The following SYTL2 variants were observed in gnomAD, a reference collection of about 807,000 sequenced individuals.
The protein encoded by SYTL2 is synaptotagmin like 2, also known as synaptotagmin-like protein 2.
In SYTL2, 165 loss-of-function variants were observed where a neutral mutation model predicts 198.7. That is an observed-to-expected ratio of 0.83 (90% CI 0.73 to 0.94). The LOEUF (loss-of-function observed/expected upper bound fraction) is 0.94. Among genes scored for constraint, SYTL2 ranks in the 40% least tolerant of loss-of-function variants. The probability of loss-of-function intolerance (pLI) is 0.00; values close to 1 mark genes in which losing one functional copy is unlikely to be tolerated. For synonymous variants in SYTL2, 966 were observed against 917.7 expected (o/e 1.05, Z -0.95); for missense variants, 2,835 against 2,582.8 (o/e 1.10, Z -2.12).
At position 85,726,733 on chromosome 11, in the gene SYTL2, A is replaced by C; in HGVS notation, c.2625T>G (p.Asn875Lys). 1 of 1,535,978 alleles carries C rather than the reference A, an allele frequency of 6.5e-7. No homozygotes were observed. The highest frequency in any genetic ancestry group is 8.7e-7 in the Non-Finnish European group (1 of 1,146,808). Residue 875 changes from asparagine (N) to lysine (K), a missense_variant, in exon 8 of 20, where the codon AAT becomes AAG. By Grantham distance (94) the Asn-to-Lys change is moderately conservative (BLOSUM62 0). This residue lies in a region of SYTL2 where 2,645 missense variants were observed against 2,381.7 expected (regional missense o/e 1.11). Coordinates refer to ENST00000359152, the MANE Select transcript of SYTL2 (RefSeq NM_206927.4). ...ASQLSNSYSS[N>K]KSKETKPQIA... ...TTTGTGGCTTGGTCTCTTTAGATTT[A>C]TTTGAGGAATAAGAATTGGAGAGCT...
intron 1 of SYTL2, among the ~76,000 whole-genome samples, chr11:85,779,164 A>G (rs2092513353): frequency 6.6e-6 from 1 of 152,110 alleles, no homozygotes; most frequent in East Asian, 1.9e-4. Flanking sequence ...TTACATAGAA[A>G]ATTAGGCTCG....
chr11:85,817,588 C>T, the SYTL2 span, among the ~76,000 whole-genome samples: 10 of 151,992 alleles, frequency 6.6e-5, no homozygotes, highest in Admixed American at 3.3e-4. Flanking sequence ...TTTGTAAAGG[C>T]CTGCTTGAAG....
At chr11:85,815,710 C>T (rs577035529), upstream of SYTL2, among the ~76,000 whole-genome samples, 3 of 152,270 alleles carry the variant, frequency 2.0e-5, no homozygotes, top group South Asian at 6.2e-4. Flanking sequence ...TTGCAAATGA[C>T]AAAGTCAAGG....
Position 85,757,758 on chromosome 11 carries a change from A to T in SYTL2, c.-33T>A. 1.2e-6 allele frequency: 2 copies of T among 1,605,538 alleles called. No homozygotes were observed. Among genetic ancestry groups the T allele is most frequent in the Non-Finnish European group, 1.7e-6 (2 of 1,179,284 alleles). ...AGTGCATGCAAAAATAATAGCAACAAATGTGGCTCAAAATTCTCAGGGCTG... is the reference window on the plus strand; with the variant it reads ...AGTGCATGCAAAAATAATAGCAACATATGTGGCTCAAAATTCTCAGGGCTG... On this transcript the variant is annotated 5_prime_UTR_variant, in exon 2 of 20. It adds an upstream start codon to the 5' untranslated region. Coordinates refer to ENST00000359152, the MANE Select transcript of SYTL2 (RefSeq NM_206927.4).
In SYTL2 at chr11:85,725,776, A is replaced by T; in HGVS notation, c.3582T>A (p.His1194Gln). ...VKGPEKIINE[H>Q]VDKTVVHPKV... The stretch of plus-strand genomic sequence containing the variant: ...TTGGATGAACTACTGTTTTGTCAAC[A>T]TGCTCATTAATGATCTTCTCAGGTC... Residue 1194 changes from histidine to glutamine, a missense_variant, in exon 8 of 20, where the codon CAT becomes CAA. Transcript: ENST00000359152. 1 of 1,614,206 alleles carries T rather than the reference A, an allele frequency of 6.2e-7. No individual in the cohort carries two copies. The highest frequency in any genetic ancestry group is 8.5e-7 in the Non-Finnish European group (1 of 1,180,012).
At chr11:85,773,566 T>C (rs201528414) in intron 1 of SYTL2, among the ~76,000 whole-genome samples, 1 of 152,230 alleles carries the variant, frequency 6.6e-6, no homozygotes, top group East Asian at 1.9e-4. Flanking sequence ...TGTTTCCTTA[T>C]CCGTCTCCTT....
At chr11:85,834,031 A>C in the SYTL2 span, among the ~76,000 whole-genome samples, 631 of 152,200 alleles carry the variant, frequency 4.1e-3, 5 homozygotes, top group Non-Finnish European at 7.5e-3. Flanking sequence ...GAGCCACCAC[A>C]GCCAGCCAAA....
chr11:85,798,018 A>ATTT (rs5793171), intron 1 of SYTL2, among the ~76,000 whole-genome samples: 6 of 145,566 alleles, frequency 4.1e-5, no homozygotes, highest in East Asian at 4.0e-4. Flanking sequence ...TATGCCAGCT[A>ATTT]TTTTTTTTTT....
intron 2 of SYTL2, among the ~76,000 whole-genome samples, chr11:85,755,919 TAGAA>T (rs2091839878): frequency 6.6e-6 from 1 of 152,070 alleles, no homozygotes; most frequent in South Asian, 2.1e-4. Flanking sequence ...CATCCTGAGG[TAGAA>T]AGAGAGACTC....
At chr11:85,765,466 A>G (rs1274912190) in intron 1 of SYTL2, among the ~76,000 whole-genome samples, 1 of 152,240 alleles carries the variant, frequency 6.6e-6, no homozygotes, top group African/African-American at 2.4e-5. Flanking sequence ...CAAACTCCTG[A>G]CCTCGTGATC....
At chr11:85,701,302 C>T (rs1165619374) in intron 16 of SYTL2, among the ~76,000 whole-genome samples, 1 of 152,206 alleles carries the variant, frequency 6.6e-6, no homozygotes, top group East Asian at 1.9e-4. Context: ...ACATCTTCTA[C>T]ACATAGCCTG....
chr11:85,828,848 T>C, the SYTL2 span, among the ~76,000 whole-genome samples: 12 of 152,296 alleles, frequency 7.9e-5, no homozygotes, highest in East Asian at 2.1e-3. Flanking sequence ...CCCAGGTCTA[T>C]GTTAATGTCA....
Position 85,714,402 on chromosome 11 carries a change from G to T in SYTL2, c.5625+11C>A. On this transcript the variant is annotated intron_variant, in intron 12 of 19. Transcript: ENST00000359152. ...TCTCCATTTTTCTGAAGGTACAAAA[G>T]ACAAACTTGCCTCATCTTGGAGAAA... 6.2e-7 allele frequency: 1 copy of T among 1,606,166 alleles called. No homozygotes were observed. Among genetic ancestry groups the T allele is most frequent in the Non-Finnish European group, 8.5e-7 (1 of 1,172,970 alleles).
chr11:85,788,920 C>T (rs1296990190), intron 1 of SYTL2, among the ~76,000 whole-genome samples: 1 of 151,472 alleles, frequency 6.6e-6, no homozygotes, highest in Non-Finnish European at 1.5e-5. Flanking sequence ...TGGCACACAG[C>T]ACATGTGTCA....
chr11:85,822,876 G>T, the SYTL2 span, among the ~76,000 whole-genome samples: 1 of 152,218 alleles, frequency 6.6e-6, no homozygotes, highest in African/African-American at 2.4e-5. Context: ...GGATGGAGGT[G>T]CAAAAAGCAA....
Position 85,727,489 on chromosome 11 carries a change from G to A in SYTL2, c.1869C>T (p.Thr623=), listed in dbSNP as rs1591766801. 2.0e-6 allele frequency: 3 copies of A among 1,535,768 alleles called. No individual in the cohort carries two copies. The highest frequency in any genetic ancestry group is 1.4e-5 in the African/African-American group (1 of 72,946). ...SKFMNLSQKG[T]PKEGPGILQP... is the part of the protein sequence containing the mutation. ...GCAATATACCTGGGCCTTCCTTTGGGGTGCCTTTTTGGGACAAATTCATGA... is the reference window on the plus strand; with the variant it reads ...GCAATATACCTGGGCCTTCCTTTGGAGTGCCTTTTTGGGACAAATTCATGA... Residue 623 remains threonine, a synonymous_variant, in exon 8 of 20, where the codon ACC becomes ACT. Coordinates refer to ENST00000359152, the MANE Select transcript of SYTL2 (RefSeq NM_206927.4).
At chr11:85,799,978 A>G (rs1470186361) in intron 1 of SYTL2, among the ~76,000 whole-genome samples, 1 of 152,220 alleles carries the variant, frequency 6.6e-6, no homozygotes, top group African/African-American at 2.4e-5. Context: ...GTTTAATAAT[A>G]GTTTAAAGAG....
rs1331204618 is a variant in SYTL2, at chr11:85,727,529, T to G, written c.1829A>C (p.Asn610Thr). Residue 610 changes from asparagine to threonine, a missense_variant, in exon 8 of 20, where the codon AAT (asparagine) becomes ACT (threonine). This residue lies in a region of SYTL2 where 2,645 missense variants were observed against 2,381.7 expected (regional missense o/e 1.11). Transcript: ENST00000359152. ...CAAATTCATGAATTTGGATTTGATATTCACATTATTATCTTGGCAACTTTC... is the reference window on the plus strand; with the variant it reads ...CAAATTCATGAATTTGGATTTGATAGTCACATTATTATCTTGGCAACTTTC... ...VSESCQDNNV[N>T]IKSKFMNLSQ... 4 of 1,536,124 alleles carry G rather than the reference T, an allele frequency of 2.6e-6. No homozygotes were observed. Among genetic ancestry groups the G allele is most frequent in the Non-Finnish European group, 3.5e-6 (4 of 1,146,884 alleles).
intron 1 of SYTL2, among the ~76,000 whole-genome samples, chr11:85,789,336 G>C (rs865863780): frequency 1.6e-4 from 4 of 24,354 alleles, no homozygotes; most frequent in African/African-American, 4.2e-4. Flanking sequence ...GTGTGTGTGT[G>C]TGTGTATATA....
Sources: gnomAD v4.1 joint callset for allele counts (sites outside exome capture counted in the v4.1 genomes callset) on GRCh38, gnomAD v4.1.1 for gene constraint, gnomAD v4.1.1 regional missense constraint, MANE v1.5 for transcripts, NCBI Gene and HGNC (gene_info 2026-07-23, HGNC 2026-07-21) for gene names.